The following GNG7 variants were observed in gnomAD, a reference collection of about 807,000 sequenced individuals.
GNG7 encodes the protein G protein subunit gamma 7.
Under a neutral mutation model 4.0 loss-of-function variants are expected in GNG7, and 1 was observed. The observed-to-expected ratio is 0.25, with a 90% CI of 0.09 to 1.18. The LOEUF (loss-of-function observed/expected upper bound fraction) is 1.18. Among genes scored for constraint, GNG7 ranks in the 50% most tolerant of loss-of-function variants. The pLI is 0.50. For missense variants in GNG7, 86 were observed against 91.9 expected, an observed-to-expected ratio of 0.94 and a Z score of 0.26; for synonymous variants, 34 against 36.9, an observed-to-expected ratio of 0.92 and a Z score of 0.29.
chr19:2,699,150 T>C (rs1291262398), intron 1 of GNG7, among the ~76,000 whole-genome samples: 1 of 123,952 alleles, frequency 8.1e-6, no homozygotes, highest in African/African-American at 4.5e-5. Context: ...GAGTAGCCTT[T>C]TTTTTTTTTT....
intron 2 of GNG7, among the ~76,000 whole-genome samples, chr19:2,584,878 G>A (rs933511110): frequency 6.5e-5 from 2 of 30,654 alleles, no homozygotes; most frequent in South Asian, 2.7e-3. Context: ...GAGGGAGGGA[G>A]GGATAGAGGG....
chr19:2,519,975 T>C (rs1246519753), intron 4 of GNG7, among the ~76,000 whole-genome samples: 2 of 150,344 alleles, frequency 1.3e-5, no homozygotes, highest in Non-Finnish European at 3.0e-5. Context: ...AAGTTAGGAG[T>C]TCAAGACCAG....
chr19:2,696,468 T>C (rs1250262702), intron 1 of GNG7, among the ~76,000 whole-genome samples: 1 of 152,038 alleles, frequency 6.6e-6, no homozygotes, highest in Non-Finnish European at 1.5e-5. Context: ...TAAACAAACA[T>C]CCCAAGCTTC....
In GNG7 at chr19:2,614,530, A is replaced by G. The variant is rs80281311; in HGVS notation, c.-78+31694T>C. ...CCTGTCCTGGACATTTCATAGAAAT[A>G]GGATGACACACTGTGTGGCCTTTTG... On this transcript the variant is annotated intron_variant, in intron 2 of 4. Coordinates refer to ENST00000382159, the MANE Select transcript of GNG7 (RefSeq NM_052847.3). This position sits in a 1 kb window ranked among gnomAD's most constrained non-coding sequence, Gnocchi z 6.0. Among the ~76,000 whole-genome samples the G allele has an allele frequency of 0.094, 14,247 of 152,046 alleles. 1,466 individuals are homozygous for G. Among genetic ancestry groups the G allele is most frequent in the African/African-American group, 0.26 (10,732 of 41,396 alleles).
chr19:2,629,830 C>T (rs1024220547), intron 2 of GNG7, among the ~76,000 whole-genome samples: 12 of 152,190 alleles, frequency 7.9e-5, no homozygotes, highest in East Asian at 3.9e-4. Context: ...AAGGTGAAGC[C>T]GAGTCTGCAT....
intron 2 of GNG7, among the ~76,000 whole-genome samples, chr19:2,570,326 C>T (rs1980108026): frequency 6.6e-6 from 1 of 152,162 alleles, no homozygotes; most frequent in African/African-American, 2.4e-5. Flanking sequence ...ACCAGATAAA[C>T]TTCTATGCTT....
Position 2,609,336 on chromosome 19 carries a change from T to C in GNG7, c.-78+36888A>G, listed in dbSNP as rs746555549. Among the ~76,000 whole-genome samples, 2 of 152,170 alleles carry C rather than the reference T, an allele frequency of 1.3e-5. No homozygotes were observed. On this transcript the variant is annotated intron_variant, in intron 2 of 4. Coordinates refer to ENST00000382159, the MANE Select transcript of GNG7 (RefSeq NM_052847.3). This position sits in a 1 kb window ranked among gnomAD's most constrained non-coding sequence, Gnocchi z 4.4. ...CACCCCACCCAGCTAATTTTTGTTT[T>C]ACACTAAAGTGTTATTTCATCTTGG...
intron 2 of GNG7, among the ~76,000 whole-genome samples, chr19:2,619,909 C>G (rs767474628): frequency 6.6e-6 from 1 of 151,580 alleles, no homozygotes; most frequent in African/African-American, 2.4e-5. Flanking sequence ...GTGAGTTTTA[C>G]GCTGTGTCAG....
chr19:2,584,679 G>T (rs1980597312), intron 2 of GNG7, among the ~76,000 whole-genome samples: 1 of 94,310 alleles, frequency 1.1e-5, no homozygotes, highest in Non-Finnish European at 2.2e-5. Flanking sequence ...AAGGAAGGAA[G>T]GAGGGAGGGA....
Position 2,546,853 on chromosome 19 carries a change from C to T in GNG7, c.-38+8296G>A, listed in dbSNP as rs1000944311. 2.0e-5 allele frequency among the ~76,000 whole-genome samples: 3 copies of T among 152,164 alleles called. No individual in the cohort carries two copies. The highest frequency in any genetic ancestry group is 7.2e-5 in the African/African-American group (3 of 41,436). ...TGTGAGAGTTTGCAAGCCCGGGAAC[C>T]GGGGCCGGGCCAGGACACTGAACCC... On this transcript the variant is annotated intron_variant, in intron 3 of 4. Transcript: ENST00000382159. This position sits in a 1 kb window ranked among gnomAD's most constrained non-coding sequence, Gnocchi z 6.3.
chr19:2,633,493 A>ACGCG lies in GNG7; in HGVS notation c.-78+12730_-78+12731insCGCG, dbSNP rs1555698932. On this transcript the variant is annotated intron_variant, in intron 2 of 4. Transcript: ENST00000382159. The surrounding 1 kb of genome is among the most constrained non-coding windows in gnomAD (Gnocchi z 5.9). ...CAGGCGCGCGCGCGCGCGCGCACACACACACACACACACACACACACACAC... is the reference window on the plus strand; with the variant it reads ...CAGGCGCGCGCGCGCGCGCGCACACACGCGCACACACACACACACACACACACAC... Among the ~76,000 whole-genome samples, 4,872 of 115,188 alleles carry ACGCG rather than the reference A, an allele frequency of 0.042. 288 individuals are homozygous for ACGCG. Among genetic ancestry groups the ACGCG allele is most frequent in the African/African-American group, 0.15 (4,632 of 31,534 alleles). 75.6% of individuals were successfully genotyped at this position (115,188 alleles called of 152,430 possible). A position where few individuals can be genotyped will look rare whatever the true frequency, so the allele number is the denominator to read the frequency against.
chr19:2,600,472 T>C (rs1374580242), intron 2 of GNG7, among the ~76,000 whole-genome samples: 1 of 147,076 alleles, frequency 6.8e-6, no homozygotes, highest in Non-Finnish European at 1.5e-5. Context: ...CTTGGCATTT[T>C]TTTTTTTTTT....
rs538238209 is a variant in GNG7, at chr19:2,652,376, T to A, written c.-134-6096A>T. On this transcript the variant is annotated intron_variant, in intron 1 of 4. Coordinates refer to ENST00000382159, the MANE Select transcript of GNG7 (RefSeq NM_052847.3). The stretch of plus-strand genomic sequence containing the variant: ...GGCTCATGCCTGTAATCCCAGCGCT[T>A]TGGGAGGCCGAGGCGGGTAAATCAC... Among the ~76,000 whole-genome samples the A allele has an allele frequency of 7.2e-5, 11 of 151,946 alleles. No homozygotes were observed. In the South Asian group the frequency reaches 2.3e-3, roughly 32 times the overall value.
chr19:2,535,173 T>C (rs1356627669), intron 3 of GNG7, among the ~76,000 whole-genome samples: 1 of 152,112 alleles, frequency 6.6e-6, no homozygotes, highest in Non-Finnish European at 1.5e-5. Context: ...GTATGCCTAC[T>C]GGACTGTCAG....
chr19:2,614,406 G>GC lies in GNG7; in HGVS notation c.-78+31817dup, dbSNP rs1479832535. On this transcript the variant is annotated intron_variant, in intron 2 of 4. Coordinates refer to ENST00000382159, the MANE Select transcript of GNG7 (RefSeq NM_052847.3). The surrounding 1 kb of genome is among the most constrained non-coding windows in gnomAD (Gnocchi z 6.0). ...TCTAGCTAGCTCTAGAACATTCTCAGCCCCCCAAAAAGACACCCCATCCCT... is the reference window on the plus strand; with the variant it reads ...TCTAGCTAGCTCTAGAACATTCTCAGCCCCCCCAAAAAGACACCCCATCCCT... 6.6e-6 allele frequency among the ~76,000 whole-genome samples: 1 copy of GC among 152,032 alleles called. No homozygotes were observed. The highest frequency in any genetic ancestry group is 1.5e-5 in the Non-Finnish European group (1 of 67,990).
chr19:2,605,703 G>A lies in GNG7; in HGVS notation c.-78+40521C>T, dbSNP rs548054298. ...TAATTTTTGTATTTTTAGTAGAGAC[G>A]GGGTTTCACCATGTTGGCCAGCATG... On this transcript the variant is annotated intron_variant, in intron 2 of 4. Transcript: ENST00000382159. Among the ~76,000 whole-genome samples, 207 of 151,452 alleles carry A rather than the reference G, an allele frequency of 1.4e-3. 1 individual carries two copies. The highest frequency in any genetic ancestry group is 0.01 in the Middle Eastern group (3 of 286).
chr19:2,696,144 A>G (rs10410043), intron 1 of GNG7, among the ~76,000 whole-genome samples: 65,610 of 147,710 alleles, frequency 0.44, 15,898 homozygotes, highest in African/African-American at 0.64. Context: ...GAGACAGAGC[A>G]AGACTCCGTC....
chr19:2,574,444 C>T (rs1252364178), intron 2 of GNG7, among the ~76,000 whole-genome samples: 2 of 152,212 alleles, frequency 1.3e-5, no homozygotes, highest in Admixed American at 6.5e-5. Flanking sequence ...GTGAATCTGA[C>T]GACTCTAGGG....
At position 2,645,911 on chromosome 19, in the gene GNG7, T is replaced by C. The variant is rs76977924; in HGVS notation, c.-78+313A>G. 3.5e-3 allele frequency among the ~76,000 whole-genome samples: 530 copies of C among 152,236 alleles called. 3 individuals carry two copies. Among genetic ancestry groups the C allele is most frequent in the African/African-American group, 0.012 (513 of 41,546 alleles). On this transcript the variant is annotated intron_variant, in intron 2 of 4. Transcript: ENST00000382159. Reference sequence around the variant, plus strand: ...GAAGGCTCCTTAAAACTCCCTACCATGGCACGAAGACACCGGAAAGGCATG... The same window carrying C: ...GAAGGCTCCTTAAAACTCCCTACCACGGCACGAAGACACCGGAAAGGCATG...
Sources: gnomAD v4.1 joint callset for allele counts (sites outside exome capture counted in the v4.1 genomes callset) on GRCh38, gnomAD v4.1.1 for gene constraint, Gnocchi (gnomAD v3.1) non-coding constraint, MANE v1.5 for transcripts, NCBI Gene and HGNC (gene_info 2026-07-23, HGNC 2026-07-21) for gene names.